The following OPCML variants were observed in gnomAD, a reference collection of about 807,000 sequenced individuals.
OPCML encodes the protein opioid binding protein/cell adhesion molecule like.
Under a neutral mutation model 37.8 loss-of-function variants are expected in OPCML, and 13 were observed. The observed-to-expected ratio is 0.34, with a 90% CI of 0.22 to 0.55. The LOEUF (loss-of-function observed/expected upper bound fraction) is 0.55. Ranked by LOEUF, OPCML falls within the 20% of genes least tolerant of loss-of-function variation. The pLI is 0.91. For missense variants in OPCML, 341 were observed against 435.6 expected, an observed-to-expected ratio of 0.78 and a Z score of 1.93; for synonymous variants, 176 against 168.8, an observed-to-expected ratio of 1.04 and a Z score of -0.33.
intron 2 of OPCML, among the ~76,000 whole-genome samples, chr11:132,787,737 T>A (rs915129267): frequency 7.2e-5 from 11 of 152,182 alleles, no homozygotes; most frequent in African/African-American, 2.7e-4. Context: ...TTGGGTCCTC[T>A]TCTCTTCTGA....
At chr11:132,977,834 T>C (rs889752949) in intron 1 of OPCML, among the ~76,000 whole-genome samples, 2 of 152,210 alleles carry the variant, frequency 1.3e-5, no homozygotes, top group African/African-American at 4.8e-5. Context: ...ACAAAAAATG[T>C]GTGGTTTTAT....
chr11:133,236,699 C>T (rs1156512337), intron 1 of OPCML, among the ~76,000 whole-genome samples: 1 of 152,226 alleles, frequency 6.6e-6, no homozygotes, highest in Non-Finnish European at 1.5e-5. Context: ...TCCAAGCAAG[C>T]ATTAGGTCAT....
intron 2 of OPCML, among the ~76,000 whole-genome samples, chr11:132,827,049 T>C (rs543338075): frequency 6.6e-6 from 1 of 152,230 alleles, no homozygotes; most frequent in Non-Finnish European, 1.5e-5. Context: ...AGAATTTCTC[T>C]TGTTCCATGG....
chr11:132,472,119 C>A (rs1165459473), intron 4 of OPCML, among the ~76,000 whole-genome samples: 2 of 152,172 alleles, frequency 1.3e-5, no homozygotes, highest in Non-Finnish European at 2.9e-5. Flanking sequence ...TATGTAATAA[C>A]CAACATACAT....
intron 1 of OPCML, chr11:133,005,024 T>C: frequency 1.0e-6 from 1 of 985,384 alleles, no homozygotes; most frequent in African/African-American, 1.7e-5. Context: ...TTTCTCAGCA[T>C]TGGTGGCAGC....
intron 2 of OPCML, among the ~76,000 whole-genome samples, chr11:132,714,733 GAAATACATATCTTTTC>G (rs1944403825): frequency 6.6e-6 from 1 of 152,154 alleles, no homozygotes; most frequent in South Asian, 2.1e-4. Context: ...CCTGCGGCCT[GAAATACATATCTTTTC>G]AAGGACACAC....
chr11:133,011,901 T>G (rs1411427715), intron 1 of OPCML, among the ~76,000 whole-genome samples: 1 of 152,228 alleles, frequency 6.6e-6, no homozygotes, highest in Non-Finnish European at 1.5e-5. Flanking sequence ...GTTCTTGGCA[T>G]GGTTGCTAGT....
intron 1 of OPCML, chr11:133,419,480 T>C (rs1317256121): frequency 1.1e-5 from 3 of 272,058 alleles, no homozygotes; most frequent in African/African-American, 2.3e-5. Flanking sequence ...AAATAAGTTA[T>C]AGCTTAAAAG....
In OPCML at chr11:132,892,497, G is replaced by A. The variant is rs567791156; in HGVS notation, c.146+50429C>T. Among the ~76,000 whole-genome samples, 17 of 152,326 alleles carry A rather than the reference G, an allele frequency of 1.1e-4. No homozygotes were observed. In the South Asian group the frequency reaches 3.5e-3, roughly 32 times the overall value. On this transcript the variant is annotated intron_variant, in intron 2 of 7. Transcript: ENST00000524381. ...AAGTAAAGTATTCTTGGCCGGGCAT[G>A]GTGGCTCACGCCTGTAATCCTAGCA...
intron 1 of OPCML, among the ~76,000 whole-genome samples, chr11:133,118,099 C>G (rs980231714): frequency 1.3e-5 from 2 of 152,196 alleles, no homozygotes; most frequent in Non-Finnish European, 2.9e-5. Context: ...TCAGCTCTCC[C>G]TGATTAGCAA....
intron 2 of OPCML, among the ~76,000 whole-genome samples, chr11:132,899,435 T>G (rs1943969590): frequency 6.6e-6 from 1 of 151,492 alleles, no homozygotes; most frequent in Non-Finnish European, 1.5e-5. Flanking sequence ...AGTGTTTCAG[T>G]TATCATCCAA....
intron 1 of OPCML, among the ~76,000 whole-genome samples, chr11:133,119,703 T>G (rs1404251996): frequency 6.6e-6 from 1 of 152,130 alleles, no homozygotes; most frequent in East Asian, 1.9e-4. Context: ...CGAGGAAAAC[T>G]TCACAAAGGA....
chr11:133,266,996 A>G (rs1941682140), intron 1 of OPCML, among the ~76,000 whole-genome samples: 1 of 152,186 alleles, frequency 6.6e-6, no homozygotes, highest in Non-Finnish European at 1.5e-5. Flanking sequence ...AAGATCTTCA[A>G]GATACATCTC....
chr11:133,229,541 C>T (rs989299457), intron 1 of OPCML, among the ~76,000 whole-genome samples: 3 of 151,898 alleles, frequency 2.0e-5, no homozygotes, highest in Non-Finnish European at 2.9e-5. Flanking sequence ...AAGAAAAGGG[C>T]TCCCAATGCA....
At chr11:133,433,251 C>CAAAA (rs71477795) in intron 1 of OPCML, among the ~76,000 whole-genome samples, 4,277 of 90,588 alleles carry the variant, frequency 0.047, 100 homozygotes, top group Non-Finnish European at 0.07. Context: ...GACTCCGTCT[C>CAAAA]AAAAAAAAAA....
chr11:132,524,015 C>A (rs1014031726), intron 4 of OPCML, among the ~76,000 whole-genome samples: 3 of 152,196 alleles, frequency 2.0e-5, no homozygotes, highest in African/African-American at 7.2e-5. Context: ...TTTTCCCAAA[C>A]ATCTAGCCTT....
At position 132,512,981 on chromosome 11, in the gene OPCML, AT is replaced by A. The variant is rs375637060; in HGVS notation, c.505+16079del. On this transcript the variant is annotated intron_variant, in intron 4 of 7. Transcript: ENST00000524381. ...CGGTAATTTAAATTATGACCGCAAG[AT>A]TTTTTTAAATAAAAAGCCCTTGTTC... Among the ~76,000 whole-genome samples the A allele has an allele frequency of 6.9e-3, 1,049 of 152,090 alleles. 6 individuals are homozygous for A. Among genetic ancestry groups the A allele is most frequent in the Non-Finnish European group, 0.01 (682 of 67,926 alleles).
At chr11:133,503,751 C>T (rs372354769) in intron 1 of OPCML, among the ~76,000 whole-genome samples, 1 of 152,162 alleles carries the variant, frequency 6.6e-6, no homozygotes, top group Non-Finnish European at 1.5e-5. Context: ...CCCTCCCTTT[C>T]GCCACTCTGA....
At chr11:132,519,832 C>T (rs951546023) in intron 4 of OPCML, among the ~76,000 whole-genome samples, 1 of 152,166 alleles carries the variant, frequency 6.6e-6, no homozygotes, top group Non-Finnish European at 1.5e-5. Context: ...AGAAACAAGG[C>T]TCCTAGCTGC....
Sources: gnomAD v4.1 joint callset for allele counts (sites outside exome capture counted in the v4.1 genomes callset) on GRCh38, gnomAD v4.1.1 for gene constraint, MANE v1.5 for transcripts, NCBI Gene and HGNC (gene_info 2026-07-23, HGNC 2026-07-21) for gene names.